The following CERS6 variants were observed in gnomAD, a reference collection of about 807,000 sequenced individuals.
CERS6 encodes the protein LAG1 homolog, ceramide synthase 6.
Under a neutral mutation model 56.8 loss-of-function variants are expected in CERS6, and 26 were observed. That is an observed-to-expected ratio of 0.46 (90% confidence interval 0.34 to 0.63). CERS6 has a LOEUF of 0.63. Among genes scored for constraint, CERS6 ranks in the 30% least tolerant of loss-of-function variants. The pLI, the probability that CERS6 is intolerant of heterozygous loss-of-function variation, is 0.01. For synonymous variants in CERS6, 164 were observed against 173.3 expected, an observed-to-expected ratio of 0.95 and a Z score of 0.42; for missense variants, 415 against 467.5, an observed-to-expected ratio of 0.89 and a Z score of 1.04.
chr2:168,580,727 GA>G (rs1025780759), intron 3 of CERS6, among the ~76,000 whole-genome samples: 61 of 152,122 alleles, frequency 4.0e-4, no homozygotes, highest in African/African-American at 1.4e-3. Context: ...GTCTGAAAAT[GA>G]GTTTATTTCT....
At chr2:168,624,373 CTG>C (rs1684543617) in intron 3 of CERS6, among the ~76,000 whole-genome samples, 1 of 152,136 alleles carries the variant, frequency 6.6e-6, no homozygotes, top group Non-Finnish European at 1.5e-5. Flanking sequence ...ACCATGATCT[CTG>C]GAGTCAAATT....
intron 4 of CERS6, among the ~76,000 whole-genome samples, chr2:168,688,814 G>A (rs1360339651): frequency 6.6e-6 from 1 of 152,102 alleles, no homozygotes; most frequent in Admixed American, 6.5e-5. Context: ...CCAAAAAGAG[G>A]CAGACACTTA....
At chr2:168,516,733 G>T (rs1286043856) in intron 1 of CERS6, among the ~76,000 whole-genome samples, 4 of 152,154 alleles carry the variant, frequency 2.6e-5, no homozygotes, top group Non-Finnish European at 5.9e-5. Context: ...CTTAGGCCTG[G>T]AAAGAGCTGG....
At chr2:168,572,690 T>A (rs1366619903) in intron 3 of CERS6, among the ~76,000 whole-genome samples, 1 of 152,172 alleles carries the variant, frequency 6.6e-6, no homozygotes, top group Non-Finnish European at 1.5e-5. Context: ...TGGAGTTAAA[T>A]TTGTTGCTTT....
intron 1 of CERS6, among the ~76,000 whole-genome samples, chr2:168,480,661 A>T (rs1160944404): frequency 1.3e-5 from 2 of 152,202 alleles, no homozygotes; most frequent in African/African-American, 4.8e-5. Context: ...GGCATCTGGG[A>T]CCTCAGCCTA....
chr2:168,620,452 A>G (rs938668515), intron 3 of CERS6, among the ~76,000 whole-genome samples: 1 of 152,194 alleles, frequency 6.6e-6, no homozygotes, highest in East Asian at 1.9e-4. Flanking sequence ...AAAGAAAAAA[A>G]GTAGAATGAG....
chr2:168,722,875 GTTCC>G (rs1683221314), intron 8 of CERS6, among the ~76,000 whole-genome samples: 1 of 152,162 alleles, frequency 6.6e-6, no homozygotes, highest in African/African-American at 2.4e-5. Context: ...TCTCTCCACT[GTTCC>G]TTCCTGATGA....
intron 8 of CERS6, among the ~76,000 whole-genome samples, chr2:168,721,393 T>C (rs1687361975): frequency 6.6e-6 from 1 of 152,090 alleles, no homozygotes; most frequent in African/African-American, 2.4e-5. Context: ...GTTTGGCTAT[T>C]ATGAATAATG....
At chr2:168,727,477 A>G (rs1219128511) in intron 8 of CERS6, among the ~76,000 whole-genome samples, 1 of 151,148 alleles carries the variant, frequency 6.6e-6, no homozygotes, top group Non-Finnish European at 1.5e-5. Flanking sequence ...AGAACCTGGG[A>G]GGCGAAGGTT....
intron 3 of CERS6, among the ~76,000 whole-genome samples, chr2:168,564,549 C>A (rs1357032270): frequency 6.6e-6 from 1 of 152,118 alleles, no homozygotes; most frequent in African/African-American, 2.4e-5. Flanking sequence ...GGTCCCTGAG[C>A]CTGATAACTA....
chr2:168,721,731 G>A (rs1683175906), intron 8 of CERS6, among the ~76,000 whole-genome samples: 1 of 151,572 alleles, frequency 6.6e-6, no homozygotes, highest in African/African-American at 2.4e-5. Flanking sequence ...TGATTCTCCT[G>A]CCTCAGTTTC....
chr2:168,723,512 T>C (rs1683242679), intron 8 of CERS6, among the ~76,000 whole-genome samples: 1 of 152,246 alleles, frequency 6.6e-6, no homozygotes, highest in Admixed American at 6.5e-5. Context: ...CATTTTTCTC[T>C]GGCTTTCATG....
At chr2:168,545,876 A>G (rs528352763) in intron 1 of CERS6, among the ~76,000 whole-genome samples, 35 of 146,140 alleles carry the variant, frequency 2.4e-4, no homozygotes, top group Admixed American at 1.4e-3. Flanking sequence ...TGTGAACACA[A>G]TGTGTCAGAG....
Position 168,507,036 on chromosome 2 carries a change from CTG to C in CERS6, c.171-40546_171-40545del, listed in dbSNP as rs369694778. 1.2e-4 allele frequency among the ~76,000 whole-genome samples: 18 copies of C among 151,086 alleles called. 1 individual carries two copies. Among genetic ancestry groups the C allele is most frequent in the Non-Finnish European group, 2.1e-4 (14 of 67,590 alleles). ...TTACTGTATTTGTCCCATGTGTGCA[CTG>C]TGTGTGTGTGTGTATGCATGTGTGT... On this transcript the variant is annotated intron_variant, in intron 1 of 9. Transcript: ENST00000305747.
chr2:168,534,616 T>C (rs79172785), intron 1 of CERS6, among the ~76,000 whole-genome samples: 25,976 of 152,114 alleles, frequency 0.17, 2,685 homozygotes, highest in Non-Finnish European at 0.24. Flanking sequence ...TTCTGGTATC[T>C]CTGACTTCGA....
chr2:168,642,951 G>T (rs1487738551), intron 4 of CERS6, among the ~76,000 whole-genome samples: 1 of 152,186 alleles, frequency 6.6e-6, no homozygotes, highest in Non-Finnish European at 1.5e-5. Flanking sequence ...AAGAGTAAAT[G>T]ATGTGGTATC....
chr2:168,502,236 G>A (rs937506089), intron 1 of CERS6, among the ~76,000 whole-genome samples: 4 of 151,700 alleles, frequency 2.6e-5, no homozygotes, highest in African/African-American at 9.7e-5. Flanking sequence ...TTGGATGTTC[G>A]TTTGGACCTT....
intron 5 of CERS6, among the ~76,000 whole-genome samples, chr2:168,693,521 A>G (rs1686558302): frequency 6.6e-6 from 1 of 152,080 alleles, no homozygotes; most frequent in South Asian, 2.1e-4. Flanking sequence ...CCGATTTTCT[A>G]AACTTCATTT....
intron 8 of CERS6, among the ~76,000 whole-genome samples, chr2:168,725,588 T>A (rs751689286): frequency 7.2e-5 from 11 of 152,242 alleles, no homozygotes; most frequent in African/African-American, 1.4e-4. Context: ...TACATACTTA[T>A]TTTTCCCAGA....
Sources: gnomAD v4.1 joint callset for allele counts (sites outside exome capture counted in the v4.1 genomes callset) on GRCh38, gnomAD v4.1.1 for gene constraint, MANE v1.5 for transcripts, NCBI Gene and HGNC (gene_info 2026-07-23, HGNC 2026-07-21) for gene names.